Variants in MAGI2 observed in about 807,000 individuals in gnomAD.
MAGI2 encodes the protein membrane associated guanylate kinase, WW and PDZ domain containing 2.
MAGI2 carries 35 observed loss-of-function variants against 133.3 expected under a neutral mutation model. That is an observed-to-expected ratio of 0.26 (90% CI 0.20 to 0.35). The LOEUF (loss-of-function observed/expected upper bound fraction) is 0.35. Among genes scored for constraint, MAGI2 ranks in the 10% least tolerant of loss-of-function variants. The probability of loss-of-function intolerance (pLI) is 1.00; values close to 1 mark genes in which losing one functional copy is unlikely to be tolerated. For missense variants in MAGI2, 1,636 were observed against 1,863.4 expected (o/e 0.88, Z 2.25); for synonymous variants, 729 against 710.6 (o/e 1.03, Z -0.41).
chr7:78,202,068 A>C (rs1033279123), intron 10 of MAGI2, among the ~76,000 whole-genome samples: 3 of 152,234 alleles, frequency 2.0e-5, no homozygotes, highest in African/African-American at 7.2e-5. Context: ...AATTGAGCAC[A>C]TAGAACAAAA....
chr7:78,318,776 C>T (rs1323225568), intron 9 of MAGI2, among the ~76,000 whole-genome samples: 1 of 152,182 alleles, frequency 6.6e-6, no homozygotes, highest in Non-Finnish European at 1.5e-5. Context: ...GATCTCTCTG[C>T]AGAAACCCTA....
intron 4 of MAGI2, among the ~76,000 whole-genome samples, chr7:78,510,834 A>G (rs1584449608): frequency 6.6e-6 from 1 of 152,304 alleles, no homozygotes; most frequent in African/African-American, 2.4e-5. Context: ...CAACTGATTT[A>G]AAGCAAAATC....
At chr7:78,207,791 G>T (rs1787254975) in intron 10 of MAGI2, among the ~76,000 whole-genome samples, 1 of 152,128 alleles carries the variant, frequency 6.6e-6, no homozygotes, top group Non-Finnish European at 1.5e-5. Context: ...ACATCACCAT[G>T]TGTTAGCCAA....
chr7:79,159,241 A>C (rs1824109810), intron 1 of MAGI2, among the ~76,000 whole-genome samples: 1 of 152,092 alleles, frequency 6.6e-6, no homozygotes, highest in South Asian at 2.1e-4. Flanking sequence ...TATGTAAGTC[A>C]TCATAAGGAA....
chr7:78,330,169 T>C (rs1164014584), intron 9 of MAGI2, among the ~76,000 whole-genome samples: 1 of 152,158 alleles, frequency 6.6e-6, no homozygotes, highest in Non-Finnish European at 1.5e-5. Context: ...GTATTTTATA[T>C]ATAATAACAC....
intron 2 of MAGI2, among the ~76,000 whole-genome samples, chr7:78,745,599 GCTC>G (rs1057255926): frequency 4.6e-5 from 7 of 151,910 alleles, no homozygotes; most frequent in Non-Finnish European, 1.0e-4. Context: ...GCAATATTCT[GCTC>G]CTAAGTCCTG....
At chr7:78,159,163 G>A (rs1470127091) in intron 16 of MAGI2, among the ~76,000 whole-genome samples, 3 of 152,156 alleles carry the variant, frequency 2.0e-5, no homozygotes, top group South Asian at 4.1e-4. Flanking sequence ...CCGCACAGCC[G>A]GCTCTACGTA....
chr7:78,133,432 T>C (rs760299877), intron 17 of MAGI2, among the ~76,000 whole-genome samples: 1 of 152,164 alleles, frequency 6.6e-6, no homozygotes, highest in Non-Finnish European at 1.5e-5. Flanking sequence ...TTTTTGCTTG[T>C]AATAAACAGC....
chr7:79,389,545 A>G (rs1369986331), intron 1 of MAGI2, among the ~76,000 whole-genome samples: 3 of 152,184 alleles, frequency 2.0e-5, no homozygotes, highest in Non-Finnish European at 2.9e-5. Flanking sequence ...AATAATGCCT[A>G]TGTAAATAGC....
chr7:79,414,790 C>G (rs1455926786), intron 1 of MAGI2: 1 of 152,030 alleles, frequency 6.6e-6, no homozygotes, highest in African/African-American at 2.4e-5. Context: ...GTGTCCTTCC[C>G]TTTGTTGGGA....
At position 79,324,632 on chromosome 7, in the gene MAGI2, TATATATATAAA is replaced by T. The variant is rs1286204140; in HGVS notation, c.301+128377_301+128387del. ...AAAAATATATATAATATATATATTATATATATATAAAATATATATATATTATATATATATAA... is the reference window on the plus strand; with the variant it reads ...AAAAATATATATAATATATATATTATATATATATATATTATATATATATAA... On this transcript the variant is annotated intron_variant, in intron 1 of 21. Coordinates refer to ENST00000354212, the MANE Select transcript of MAGI2 (RefSeq NM_012301.4). 5.0e-4 allele frequency among the ~76,000 whole-genome samples: 23 copies of T among 46,020 alleles called. 3 individuals are homozygous for T. The highest frequency in any genetic ancestry group is 2.1e-3 in the African/African-American group (23 of 10,836). The allele number at this position is 46,020 out of a possible 152,430, so 30.2% of individuals were successfully genotyped here. A position where few individuals can be genotyped will look rare whatever the true frequency, so the allele number is the denominator to read the frequency against.
chr7:78,601,641 G>A lies in MAGI2; in HGVS notation c.538+25479C>T, dbSNP rs368411152. On this transcript the variant is annotated intron_variant, in intron 3 of 21. Coordinates refer to ENST00000354212, the MANE Select transcript of MAGI2 (RefSeq NM_012301.4). The stretch of plus-strand genomic sequence containing the variant: ...TACTGGAGGATAGAGGAATTTGTGA[G>A]CTTTGTGGGTAATTCGATGGCTCAA... Among the ~76,000 whole-genome samples the A allele has an allele frequency of 2.1e-4, 32 of 152,164 alleles. 3 individuals are homozygous for A. In the East Asian group the frequency reaches 5.2e-3, roughly 25 times the overall value.
chr7:78,653,119 A>G (rs1441129226), intron 2 of MAGI2, among the ~76,000 whole-genome samples: 2 of 152,172 alleles, frequency 1.3e-5, no homozygotes, highest in African/African-American at 4.8e-5. Flanking sequence ...GGCGATCATT[A>G]AAAAGTCAAG....
At chr7:79,391,540 C>CATATATATATATATAT (rs1198335417) in intron 1 of MAGI2, among the ~76,000 whole-genome samples, 2 of 46,694 alleles carry the variant, frequency 4.3e-5, no homozygotes, top group East Asian at 1.1e-3. Context: ...TATATATAGA[C>CATATATATATATATAT]ATATATATAT....
chr7:78,891,666 C>T (rs1484408904), intron 2 of MAGI2, among the ~76,000 whole-genome samples: 2 of 152,150 alleles, frequency 1.3e-5, no homozygotes, highest in Non-Finnish European at 2.9e-5. Context: ...AGGCCTTTGA[C>T]AAAATTCAAC....
intron 1 of MAGI2, among the ~76,000 whole-genome samples, chr7:79,447,438 T>G (rs2129203955): frequency 6.6e-6 from 1 of 152,172 alleles, no homozygotes; most frequent in East Asian, 1.9e-4. Context: ...AGATTATAGC[T>G]AGGAGAGATT....
At chr7:78,549,375 C>A (rs1425954526) in intron 3 of MAGI2, among the ~76,000 whole-genome samples, 4 of 151,824 alleles carry the variant, frequency 2.6e-5, no homozygotes, top group African/African-American at 9.7e-5. Context: ...CCAACTACTG[C>A]ATTCACCTTT....
chr7:79,302,821 G>T (rs1585492791), intron 1 of MAGI2, among the ~76,000 whole-genome samples: 1 of 152,102 alleles, frequency 6.6e-6, no homozygotes, highest in East Asian at 1.9e-4. Context: ...ACTACTTTTG[G>T]GTGTCCCAAC....
chr7:78,923,525 A>G (rs1405800660), intron 2 of MAGI2, among the ~76,000 whole-genome samples: 1 of 152,104 alleles, frequency 6.6e-6, no homozygotes, highest in Non-Finnish European at 1.5e-5. Flanking sequence ...GTTATTTCTG[A>G]GGGCTCTGTT....
Sources: allele counts gnomAD v4.1 joint callset (sites outside exome capture counted in the v4.1 genomes callset), GRCh38; gene constraint gnomAD v4.1.1; transcripts MANE v1.5; gene names NCBI Gene and HGNC (gene_info 2026-07-23, HGNC 2026-07-21).